Variants in CACNA2D3 observed in about 807,000 individuals in gnomAD.
The protein encoded by CACNA2D3 is voltage-dependent calcium channel subunit alpha-2/delta-3.
CACNA2D3 carries 60 observed loss-of-function variants against 160.6 expected under a neutral mutation model. That is an observed-to-expected ratio of 0.37 (90% CI 0.30 to 0.46). The LOEUF is 0.46. Among genes scored for constraint, CACNA2D3 ranks in the 20% least tolerant of loss-of-function variants. The pLI, the probability that CACNA2D3 is intolerant of heterozygous loss-of-function variation, is 1.00. For missense variants in CACNA2D3, 1,205 were observed against 1,365.0 expected, an observed-to-expected ratio of 0.88 and a Z score of 1.85; for synonymous variants, 558 against 492.9, an observed-to-expected ratio of 1.13 and a Z score of -1.75.
chr3:54,780,806 A>G (rs533505807), intron 13 of CACNA2D3, among the ~76,000 whole-genome samples: 4 of 152,308 alleles, frequency 2.6e-5, no homozygotes, highest in South Asian at 4.1e-4. Context: ...TTGTAACAGT[A>G]TACTAAAGGA....
intron 2 of CACNA2D3, among the ~76,000 whole-genome samples, chr3:54,184,138 A>G (rs1700836319): frequency 6.6e-6 from 1 of 152,144 alleles, no homozygotes; most frequent in South Asian, 2.1e-4. Context: ...TGCAGGAAAT[A>G]AGTACTCTTA....
intron 4 of CACNA2D3, among the ~76,000 whole-genome samples, chr3:54,451,884 A>G (rs530961666): frequency 9.1e-4 from 138 of 152,254 alleles, no homozygotes; most frequent in African/African-American, 3.0e-3. Context: ...TACCAAGGCA[A>G]ATTTTATACC....
chr3:54,403,653 A>C (rs1047239822), intron 4 of CACNA2D3, among the ~76,000 whole-genome samples: 1 of 152,160 alleles, frequency 6.6e-6, no homozygotes, highest in African/African-American at 2.4e-5. Flanking sequence ...AAAAATCAGA[A>C]CAGAAATAAA....
intron 2 of CACNA2D3, among the ~76,000 whole-genome samples, chr3:54,126,368 T>C (rs1699591036): frequency 6.6e-6 from 1 of 152,262 alleles, no homozygotes; most frequent in Non-Finnish European, 1.5e-5. Context: ...AGCAGTATTG[T>C]TACTGACTTC....
intron 3 of CACNA2D3, among the ~76,000 whole-genome samples, chr3:54,350,516 T>C (rs1022628324): frequency 5.9e-5 from 9 of 152,212 alleles, no homozygotes; most frequent in African/African-American, 2.2e-4. Context: ...TCAGAGGCTT[T>C]ACTGACAAAA....
At chr3:54,950,358 G>A (rs1515954) in intron 27 of CACNA2D3, among the ~76,000 whole-genome samples, 79,571 of 151,992 alleles carry the variant, frequency 0.52, 21,357 homozygotes, top group East Asian at 0.77. Context: ...CTTTTAATCT[G>A]CTGAGGGCTC....
At chr3:54,876,873 C>G (rs1162765045) in intron 18 of CACNA2D3, 1 of 152,228 alleles carries the variant, frequency 6.6e-6, no homozygotes, top group Non-Finnish European at 1.5e-5. Flanking sequence ...TAGCCCCTGA[C>G]AGGATCCCTG....
intron 2 of CACNA2D3, among the ~76,000 whole-genome samples, chr3:54,242,984 G>A (rs1702000965): frequency 6.6e-6 from 1 of 152,196 alleles, no homozygotes; most frequent in Non-Finnish European, 1.5e-5. Context: ...GAAAAGCTCT[G>A]TAGAAATTAC....
intron 5 of CACNA2D3, among the ~76,000 whole-genome samples, chr3:54,554,552 C>T (rs1442156216): frequency 3.3e-5 from 5 of 152,086 alleles, no homozygotes; most frequent in African/African-American, 7.2e-5. Context: ...AGTGAATGGG[C>T]CCTGGTGGTG....
intron 4 of CACNA2D3, among the ~76,000 whole-genome samples, chr3:54,403,230 C>G (rs2106705825): frequency 6.6e-6 from 1 of 151,932 alleles, no homozygotes; most frequent in East Asian, 1.9e-4. Context: ...TGGCACGTAC[C>G]TGTAGTTTCA....
At chr3:54,767,102 A>T (rs542641089) in intron 13 of CACNA2D3, among the ~76,000 whole-genome samples, 80 of 151,658 alleles carry the variant, frequency 5.3e-4, no homozygotes, top group Non-Finnish European at 9.6e-4. Flanking sequence ...AAATGACACA[A>T]CTCTGAGTAT....
chr3:54,493,060 C>CTTTTTTTTTTT (rs34225864), intron 4 of CACNA2D3, among the ~76,000 whole-genome samples: 2 of 58,770 alleles, frequency 3.4e-5, no homozygotes, highest in African/African-American at 1.5e-4. Flanking sequence ...TTGCTCAAAA[C>CTTTTTTTTTTT]TTTTTTTTTT....
At chr3:54,734,646 TAAATG>T (rs762538827) in intron 11 of CACNA2D3, among the ~76,000 whole-genome samples, 4 of 152,208 alleles carry the variant, frequency 2.6e-5, no homozygotes, top group Non-Finnish European at 5.9e-5. Context: ...CGGTAGGAAA[TAAATG>T]GCAACTCACA....
intron 4 of CACNA2D3, among the ~76,000 whole-genome samples, chr3:54,427,961 C>T (rs755836733): frequency 1.3e-5 from 2 of 152,186 alleles, no homozygotes; most frequent in Non-Finnish European, 2.9e-5. Context: ...ATGATTTCTC[C>T]ACTGCTAGAT....
Position 54,390,905 on chromosome 3 carries a change from T to A in CACNA2D3, c.381+4131T>A, listed in dbSNP as rs140054524. ...CAGATAATTGTTTTTATCAAAAAAA[T>A]TTCAGACTACCATCTGCTCACTGTG... is the stretch of plus-strand genomic sequence containing the variant. On this transcript the variant is annotated intron_variant, in intron 4 of 37. Coordinates refer to ENST00000474759, the MANE Select transcript of CACNA2D3 (RefSeq NM_018398.3). Among the ~76,000 whole-genome samples the A allele has an allele frequency of 5.5e-3, 841 of 152,216 alleles. 4 individuals are homozygous for A. The highest frequency in any genetic ancestry group is 0.02 in the African/African-American group (810 of 41,518).
At chr3:54,894,332 G>T (rs1445914775) in intron 25 of CACNA2D3, among the ~76,000 whole-genome samples, 1 of 152,146 alleles carries the variant, frequency 6.6e-6, no homozygotes, top group Non-Finnish European at 1.5e-5. Context: ...TGACACCAGG[G>T]CTAATGGGGA....
chr3:54,647,432 T>C (rs1699672746), intron 11 of CACNA2D3, among the ~76,000 whole-genome samples: 1 of 152,252 alleles, frequency 6.6e-6, no homozygotes, highest in Admixed American at 6.5e-5. Context: ...GTGGTGGTTC[T>C]GTTTCACATG....
intron 27 of CACNA2D3, among the ~76,000 whole-genome samples, chr3:54,937,030 GT>G (rs1229396457): frequency 6.6e-6 from 1 of 152,134 alleles, no homozygotes; most frequent in Non-Finnish European, 1.5e-5. Context: ...AGGTGCTAAG[GT>G]GGTTAGATTT....
rs59730153 is a variant in CACNA2D3, at chr3:54,141,098, C to CGCACGTGCGT, written c.204+17505_204+17506insCACGTGCGTG. 7.7e-4 allele frequency among the ~76,000 whole-genome samples: 50 copies of CGCACGTGCGT among 64,792 alleles called. 1 individual carries two copies. The highest frequency in any genetic ancestry group is 2.2e-3 in the African/African-American group (48 of 21,644). The allele number at this position is 64,792 out of a possible 152,430, so 42.5% of individuals were successfully genotyped here. The stretch of plus-strand genomic sequence containing the variant: ...GTGTGTGTGTGTGTGCGCGCGCGCG[C>CGCACGTGCGT]GTGTGTGCATGCATGCCTGAGATGT... On this transcript the variant is annotated intron_variant, in intron 2 of 37. Coordinates refer to ENST00000474759, the MANE Select transcript of CACNA2D3 (RefSeq NM_018398.3).
Sources: allele counts gnomAD v4.1 joint callset (sites outside exome capture counted in the v4.1 genomes callset), GRCh38; gene constraint gnomAD v4.1.1; transcripts MANE v1.5; gene names NCBI Gene and HGNC (gene_info 2026-07-23, HGNC 2026-07-21).